Variants in SOAT1 observed in about 807,000 individuals in gnomAD.
SOAT1 encodes the protein sterol O-acyltransferase 1, also known as acyl-coenzyme A:cholesterol acyltransferase 1.
SOAT1 carries 55 observed loss-of-function variants against 69.5 expected under a neutral mutation model. That is an observed-to-expected ratio of 0.79 (90% CI 0.64 to 0.99). SOAT1 has a LOEUF of 0.99. SOAT1 is among the 50% of genes least tolerant of loss of function. The pLI, the probability that SOAT1 is intolerant of heterozygous loss-of-function variation, is 0.00. For synonymous variants in SOAT1, 231 were observed against 224.7 expected (o/e 1.03, Z -0.25); for missense variants, 580 against 669.3 (o/e 0.87, Z 1.47).
Position 179,344,996 on chromosome 1 carries a change from C to T in SOAT1, c.1037C>T (p.Ala346Val), listed in dbSNP as rs1177616079. ...YVYYIFERLCAPLFRNIKQEP... is the reference protein window; with the variant it reads ...YVYYIFERLCVPLFRNIKQEP... ...TACTACATCTTTGAAAGGCTTTGTG[C>T]CCCCTTGTTTCGGAATATCAAACAG... The change falls in exon 11 of 16, where the codon GCC (alanine) becomes GTC (valine). Residue 346 changes from alanine to valine, a missense_variant. Coordinates refer to ENST00000367619, the MANE Select transcript of SOAT1 (RefSeq NM_003101.6). 1.2e-6 allele frequency: 2 copies of T among 1,613,872 alleles called. No individual in the cohort carries two copies. Among genetic ancestry groups the T allele is most frequent in the Non-Finnish European group, 1.7e-6 (2 of 1,179,824 alleles).
chr1:179,341,032 G>A lies in SOAT1; in HGVS notation c.502G>A (p.Val168Met). The A allele has an allele frequency of 1.2e-6, 2 of 1,613,596 alleles. No individual in the cohort carries two copies. The highest frequency in any genetic ancestry group is 1.7e-6 in the Non-Finnish European group (2 of 1,179,702). Residue 168 changes from valine to methionine, a missense_variant, in exon 7 of 16, where the codon GTG becomes ATG. Physicochemically the swap from Val to Met is conservative, Grantham distance 21 (BLOSUM62 1). Transcript: ENST00000367619. ...VVDYIDEGRL[V>M]LEFSLLSYAF... ...TTCTGTACCTTTTCTCCCCAGGCTGGTGCTTGAGTTCAGCCTCCTGTCTTA... is the reference window on the plus strand; with the variant it reads ...TTCTGTACCTTTTCTCCCCAGGCTGATGCTTGAGTTCAGCCTCCTGTCTTA...
intron 1 of SOAT1, among the ~76,000 whole-genome samples, chr1:179,299,195 C>T (rs936900100): frequency 3.3e-5 from 5 of 152,012 alleles, no homozygotes; most frequent in African/African-American, 4.8e-5. Context: ...GGCGGTTTAG[C>T]GATTAGAGGG....
At chr1:179,334,385 G>A (rs956326355) in intron 3 of SOAT1, among the ~76,000 whole-genome samples, 1 of 152,128 alleles carries the variant, frequency 6.6e-6, no homozygotes, top group African/African-American at 2.4e-5. Context: ...AAAAGGCAAG[G>A]TTATTATCTT....
At chr1:179,348,146 A>G (rs1446028977) in intron 12 of SOAT1, among the ~76,000 whole-genome samples, 2 of 152,214 alleles carry the variant, frequency 1.3e-5, no homozygotes, top group Admixed American at 1.3e-4. Flanking sequence ...TTTGCTTCAG[A>G]TAGTATCCTT....
intron 1 of SOAT1, among the ~76,000 whole-genome samples, chr1:179,299,464 G>A (rs1016278596): frequency 6.6e-6 from 1 of 152,148 alleles, no homozygotes. Flanking sequence ...GAAGGCTTGA[G>A]TAGGAGTTAG....
intron 2 of SOAT1, among the ~76,000 whole-genome samples, chr1:179,306,748 G>C (rs549164095): frequency 1.4e-5 from 2 of 147,372 alleles, no homozygotes; most frequent in South Asian, 2.2e-4. Context: ...GGAGAATGGC[G>C]TGAACCCAGG....
At chr1:179,337,506 T>G (rs915675278) in intron 4 of SOAT1, among the ~76,000 whole-genome samples, 5 of 148,880 alleles carry the variant, frequency 3.4e-5, no homozygotes, top group African/African-American at 1.0e-4. Context: ...CCATAGGGGC[T>G]GAGTGTGGCG....
At position 179,341,195 on chromosome 1, in the gene SOAT1, T is replaced by G. The variant is rs2124991136; in HGVS notation, c.665T>G (p.Phe222Cys). The G allele has an allele frequency of 3.1e-6, 5 of 1,614,156 alleles. No individual in the cohort carries two copies. The East Asian group carries it at 1.1e-4, about 36-fold the overall frequency. ...KSSHPLIRSL[F>C]HGFLFMIFQI... ...TCTCATCCGCTGATCCGTTCTCTCTTCCATGGCTTTCTTTTCATGATCTTC... is the reference window on the plus strand; with the variant it reads ...TCTCATCCGCTGATCCGTTCTCTCTGCCATGGCTTTCTTTTCATGATCTTC... The change falls in exon 7 of 16, where the codon TTC becomes TGC. Residue 222 changes from phenylalanine (F) to cysteine (C), a missense_variant. By Grantham distance (205) the Phe-to-Cys change is radical. Transcript: ENST00000367619.
chr1:179,352,595 G>A (rs1199671782), intron 15 of SOAT1, among the ~76,000 whole-genome samples: 2 of 151,936 alleles, frequency 1.3e-5, no homozygotes, highest in African/African-American at 2.4e-5. Context: ...AGTTCATCTC[G>A]GCATCCTGTA....
chr1:179,309,274 G>T (rs1008998951), intron 2 of SOAT1, among the ~76,000 whole-genome samples: 1 of 152,088 alleles, frequency 6.6e-6, no homozygotes, highest in African/African-American at 2.4e-5. Context: ...AGTAGAGATG[G>T]GGTTTCACCA....
chr1:179,300,570 C>T (rs1664801501), intron 1 of SOAT1, among the ~76,000 whole-genome samples: 1 of 152,152 alleles, frequency 6.6e-6, no homozygotes, highest in Non-Finnish European at 1.5e-5. Flanking sequence ...CAGATTTTTA[C>T]TTTGCCAAGC....
chr1:179,335,595 T>G lies in SOAT1; in HGVS notation c.267T>G (p.Asn89Lys), dbSNP rs766090549. 32 of 1,613,906 alleles carry G rather than the reference T, an allele frequency of 2.0e-5. No homozygotes were observed. Among genetic ancestry groups the G allele is most frequent in the Non-Finnish European group, 2.5e-5 (30 of 1,179,914 alleles). ...NLIEKSASLD[N>K]GGCALTTFSV... ...TTGAAAAGTCAGCATCATTAGATAATGGTGGGTGCGCTCTCACAACCTTTT... is the reference window on the plus strand; with the variant it reads ...TTGAAAAGTCAGCATCATTAGATAAGGGTGGGTGCGCTCTCACAACCTTTT... Residue 89 changes from asparagine (N) to lysine (K), a missense_variant, in exon 4 of 16, where the codon AAT (asparagine) becomes AAG (lysine). Asn to Lys is a moderately conservative substitution (Grantham distance 94, BLOSUM62 0). Coordinates refer to ENST00000367619, the MANE Select transcript of SOAT1 (RefSeq NM_003101.6).
At position 179,341,098 on chromosome 1, in the gene SOAT1, A is replaced by T. The variant is rs777266522; in HGVS notation, c.568A>T (p.Ile190Phe). 2 of 1,614,020 alleles carry T rather than the reference A, an allele frequency of 1.2e-6. No homozygotes were observed. Among genetic ancestry groups the T allele is most frequent in the Non-Finnish European group, 1.7e-6 (2 of 1,180,000 alleles). Residue 190 changes from isoleucine to phenylalanine, a missense_variant, in exon 7 of 16, where the codon ATC becomes TTC. Coordinates refer to ENST00000367619, the MANE Select transcript of SOAT1 (RefSeq NM_003101.6). ...TCCTACCGTTGTTTGGACCTGGTGG[A>T]TCATGTTCCTGTCTACATTTTCAGT... ...KFPTVVWTWW[I>F]MFLSTFSVPY...
intron 2 of SOAT1, 65 bp downstream of exon 2, chr1:179,302,867 A>G (rs886346087): frequency 4.8e-5 from 39 of 818,228 alleles, no homozygotes; most frequent in South Asian, 1.2e-4. Context: ...GTGTTATAGA[A>G]TAAGTATTGC....
intron 13 of SOAT1, among the ~76,000 whole-genome samples, chr1:179,349,810 G>T (rs991680313): frequency 7.2e-5 from 11 of 152,130 alleles, no homozygotes; most frequent in African/African-American, 2.7e-4. Flanking sequence ...GCACCATTTG[G>T]CTTAGTGACA....
At chr1:179,350,172 G>A in intron 13 of SOAT1, 124 bp from the exon 14 acceptor site, 1 of 694,380 alleles carries the variant, frequency 1.4e-6, no homozygotes, top group Non-Finnish European at 2.4e-6. Context: ...AATCCAAGGA[G>A]TAGACTTAGA....
At position 179,347,551 on chromosome 1, in the gene SOAT1, T is replaced by A. The variant is rs543017354; in HGVS notation, c.1118-49T>A. The A allele has an allele frequency of 3.4e-5, 35 of 1,015,570 alleles. No individual in the cohort carries two copies. In the South Asian group the frequency reaches 4.5e-4, roughly 13 times the overall value. 62.9% of individuals were successfully genotyped at this position (1,015,570 alleles called of 1,614,324 possible). A position where few individuals can be genotyped will look rare whatever the true frequency, so the allele number is the denominator to read the frequency against. On this transcript the variant is annotated intron_variant, in intron 11 of 15. Coordinates refer to ENST00000367619, the MANE Select transcript of SOAT1 (RefSeq NM_003101.6). ...TGATGTGATATAATTAGTTGCTTGG[T>A]ATGTGAGCTATTTGGAAAGACTGTT...
chr1:179,299,731 A>C (rs919496232), intron 1 of SOAT1, among the ~76,000 whole-genome samples: 1 of 137,140 alleles, frequency 7.3e-6, no homozygotes, highest in Non-Finnish European at 1.6e-5. Context: ...TTTATTTTTT[A>C]ATCATTTTGC....
rs530130006 is a variant in SOAT1, at chr1:179,329,595, C to T, written c.178-5911C>T. On this transcript the variant is annotated intron_variant, in intron 3 of 15. Coordinates refer to ENST00000367619, the MANE Select transcript of SOAT1 (RefSeq NM_003101.6). ...AATTAGGCGGGTCTGGTGGTATACA[C>T]CTGTAGTCCCAAGTACTCTGGAAGC... is the stretch of plus-strand genomic sequence containing the variant. Among the ~76,000 whole-genome samples, 14 of 151,336 alleles carry T rather than the reference C, an allele frequency of 9.3e-5. No individual in the cohort carries two copies. In the South Asian group the frequency reaches 2.7e-3, roughly 29 times the overall value.
Sources: gnomAD v4.1 joint callset for allele counts (sites outside exome capture counted in the v4.1 genomes callset) on GRCh38, gnomAD v4.1.1 for gene constraint, MANE v1.5 for transcripts, NCBI Gene and HGNC (gene_info 2026-07-23, HGNC 2026-07-21) for gene names.